Variants in RNLS observed in about 807,000 individuals in gnomAD.
The protein encoded by RNLS is renalase, FAD dependent amine oxidase, also known as renalase.
In RNLS, 39 loss-of-function variants were observed where a neutral mutation model predicts 39.8. That is an observed-to-expected ratio of 0.98 (90% CI 0.76 to 1.28). The LOEUF is 1.28. Ranked by LOEUF, RNLS falls within the 50% of genes most tolerant of loss-of-function variation. The probability of loss-of-function intolerance (pLI) is 0.00; values close to 1 mark genes in which losing one functional copy is unlikely to be tolerated. For synonymous variants in RNLS, 147 were observed against 150.7 expected, an observed-to-expected ratio of 0.98 and a Z score of 0.18; for missense variants, 410 against 413.3, an observed-to-expected ratio of 0.99 and a Z score of 0.07.
At chr10:88,237,240 CCCTT>C in the RNLS span, among the ~76,000 whole-genome samples, 9 of 132,554 alleles carry the variant, frequency 6.8e-5, no homozygotes, top group African/African-American at 1.2e-4. Flanking sequence ...CTCCCTCCCT[CCCTT>C]CCTTCCTTCC....
At chr10:88,335,320 C>T (rs956152328) in intron 5 of RNLS, among the ~76,000 whole-genome samples, 1 of 151,836 alleles carries the variant, frequency 6.6e-6, no homozygotes, top group African/African-American at 2.4e-5. Flanking sequence ...TGGGCTCAAG[C>T]AATCCTCCCA....
At chr10:88,580,012 C>G (rs1850443046) in intron 3 of RNLS, among the ~76,000 whole-genome samples, 1 of 152,160 alleles carries the variant, frequency 6.6e-6, no homozygotes, top group Non-Finnish European at 1.5e-5. Context: ...GGCTCATCAG[C>G]TTTTTTCCAG....
At position 88,414,224 on chromosome 10, in the gene RNLS, AG is replaced by A. The variant is rs201202043; in HGVS notation, c.527-51500del. ...GTATAATAAAAACAGGCTTTCTGTG[AG>A]CATACGAAAAAAAGTGGTAAAAAAA... is the stretch of plus-strand genomic sequence containing the variant. On this transcript the variant is annotated intron_variant, in intron 4 of 6. Coordinates refer to ENST00000331772, the MANE Select transcript of RNLS (RefSeq NM_001031709.3). Among the ~76,000 whole-genome samples, 11 of 146,402 alleles carry A rather than the reference AG, an allele frequency of 7.5e-5. No homozygotes were observed. In the East Asian group the frequency reaches 2.2e-3, roughly 30 times the overall value.
At chr10:88,481,348 T>C (rs896382019) in intron 4 of RNLS, among the ~76,000 whole-genome samples, 1 of 152,208 alleles carries the variant, frequency 6.6e-6, no homozygotes, top group Non-Finnish European at 1.5e-5. Flanking sequence ...CATTTTGCTA[T>C]TTGTTTTCTA....
At chr10:88,181,255 C>T in the RNLS span, among the ~76,000 whole-genome samples, 1 of 152,132 alleles carries the variant, frequency 6.6e-6, no homozygotes, top group Non-Finnish European at 1.5e-5. Flanking sequence ...AAGCTAGGAG[C>T]AGTTATCATC....
chr10:88,448,129 A>C (rs958283629), intron 4 of RNLS, among the ~76,000 whole-genome samples: 3 of 152,230 alleles, frequency 2.0e-5, no homozygotes, highest in Non-Finnish European at 1.5e-5. Context: ...CACCAAAAGC[A>C]ATGGCAACAA....
At chr10:88,173,684 T>A in the RNLS span, among the ~76,000 whole-genome samples, 1 of 152,208 alleles carries the variant, frequency 6.6e-6, no homozygotes, top group Non-Finnish European at 1.5e-5. Context: ...ACTCCTTTTA[T>A]GCAACAAAGT....
chr10:88,364,787 T>A (rs1849919872), intron 4 of RNLS, among the ~76,000 whole-genome samples: 1 of 152,180 alleles, frequency 6.6e-6, no homozygotes, highest in Non-Finnish European at 1.5e-5. Flanking sequence ...CTTCATTTTT[T>A]AATTTAATCT....
intron 4 of RNLS, among the ~76,000 whole-genome samples, chr10:88,423,744 T>G: frequency 6.6e-6 from 1 of 152,360 alleles, no homozygotes; most frequent in East Asian, 1.9e-4. Context: ...AATAGGACTA[T>G]GCATTGGTAC....
At chr10:88,386,929 C>T (rs575404100) in intron 4 of RNLS, among the ~76,000 whole-genome samples, 2 of 152,274 alleles carry the variant, frequency 1.3e-5, no homozygotes, top group East Asian at 3.9e-4. Flanking sequence ...AGTGAGGTTC[C>T]AGTGCTATGA....
the RNLS span, among the ~76,000 whole-genome samples, chr10:88,182,192 C>G: frequency 6.6e-6 from 1 of 152,072 alleles, no homozygotes; most frequent in Non-Finnish European, 1.5e-5. Flanking sequence ...TCAAATACAT[C>G]AACCACATCA....
chr10:88,457,819 A>C (rs1842718543), intron 4 of RNLS, among the ~76,000 whole-genome samples: 1 of 152,202 alleles, frequency 6.6e-6, no homozygotes, highest in South Asian at 2.1e-4. Flanking sequence ...ACTCTCAAAC[A>C]GAACATTCTG....
At chr10:88,213,854 T>G in the RNLS span, among the ~76,000 whole-genome samples, 2 of 152,242 alleles carry the variant, frequency 1.3e-5, no homozygotes, top group African/African-American at 4.8e-5. Flanking sequence ...AGGTATTTCT[T>G]GATTTCGTTT....
At chr10:88,218,924 T>C in the RNLS span, among the ~76,000 whole-genome samples, 1 of 152,272 alleles carries the variant, frequency 6.6e-6, no homozygotes, top group Admixed American at 6.5e-5. Context: ...CTTCTTTGCC[T>C]CAACCACCTG....
intron 4 of RNLS, among the ~76,000 whole-genome samples, chr10:88,423,803 T>C (rs980802934): frequency 4.6e-5 from 7 of 152,216 alleles, no homozygotes; most frequent in Admixed American, 1.3e-4. Flanking sequence ...TTAATTCTTA[T>C]TGCAGTGCTA....
chr10:88,415,181 C>G (rs1197999876), intron 4 of RNLS, among the ~76,000 whole-genome samples: 1 of 152,140 alleles, frequency 6.6e-6, no homozygotes, highest in Non-Finnish European at 1.5e-5. Flanking sequence ...GCAAATGAAC[C>G]TGAGAAAGGG....
intron 4 of RNLS, among the ~76,000 whole-genome samples, chr10:88,506,470 A>G (rs2437872): frequency 0.47 from 70,954 of 151,730 alleles, 17,331 homozygotes; most frequent in East Asian, 0.57. Context: ...GTACTAAGGA[A>G]TAAAATGTCT....
chr10:88,240,406 C>CTTTTTT, the RNLS span, among the ~76,000 whole-genome samples: 132 of 108,664 alleles, frequency 1.2e-3, no homozygotes, highest in East Asian at 7.2e-3. Flanking sequence ...GCAAAAAGTC[C>CTTTTTT]TTTTTTTAAA....
chr10:88,453,530 T>C (rs1468907380), intron 4 of RNLS, among the ~76,000 whole-genome samples: 1 of 152,190 alleles, frequency 6.6e-6, no homozygotes, highest in Non-Finnish European at 1.5e-5. Context: ...CATTCTCCCA[T>C]AGGTATCCAG....
Sources: gnomAD v4.1 joint callset for allele counts (sites outside exome capture counted in the v4.1 genomes callset) on GRCh38, gnomAD v4.1.1 for gene constraint, MANE v1.5 for transcripts, NCBI Gene and HGNC (gene_info 2026-07-23, HGNC 2026-07-21) for gene names.